The following MYT1 variants were observed in gnomAD, a reference collection of about 807,000 sequenced individuals.
The protein encoded by MYT1 is myelin transcription factor I.
In MYT1, 23 loss-of-function variants were observed where a neutral mutation model predicts 123.0. The observed-to-expected ratio is 0.19, with a 90% CI of 0.13 to 0.26. The LOEUF (loss-of-function observed/expected upper bound fraction) is 0.26, where lower values mean the gene tolerates loss of function less well. Ranked by LOEUF, MYT1 falls within the 10% of genes least tolerant of loss-of-function variation. MYT1 has a pLI of 1.00. For missense variants in MYT1, 1,125 were observed against 1,472.5 expected (o/e 0.76, Z 3.86); for synonymous variants, 518 against 575.3 (o/e 0.90, Z 1.43).
At chr20:64,209,976 CAA>C (rs1057207631) in intron 7 of MYT1, among the ~76,000 whole-genome samples, 10 of 152,290 alleles carry the variant, frequency 6.6e-5, no homozygotes, top group African/African-American at 2.2e-4. Flanking sequence ...GCCATGGGCA[CAA>C]AGAGACACAG....
At chr20:64,211,621 G>A (rs1983668590) in intron 8 of MYT1, among the ~76,000 whole-genome samples, 1 of 152,272 alleles carries the variant, frequency 6.6e-6, no homozygotes, top group Non-Finnish European at 1.5e-5. Context: ...GAGGGGGACA[G>A]GCTAGTGCCA....
chr20:64,217,848 G>C (rs977250735), intron 11 of MYT1, among the ~76,000 whole-genome samples: 31 of 152,338 alleles, frequency 2.0e-4, no homozygotes, highest in African/African-American at 7.0e-4. Context: ...CTGGGTAATT[G>C]TACTGACAAA....
rs543100783 is a variant in MYT1, at chr20:64,214,682, C to T, written c.1631+1035C>T. On this transcript the variant is annotated intron_variant, in intron 10 of 22. Transcript: ENST00000328439. ...CTCCCGTGAGGAACTAGAACTCACA[C>T]ACAGCTCCTCCTCCCCAGCTCTCAG... is the stretch of plus-strand genomic sequence containing the variant. Among the ~76,000 whole-genome samples, 83 of 152,342 alleles carry T rather than the reference C, an allele frequency of 5.4e-4. 1 individual carries two copies. The South Asian group carries it at 0.011, about 20-fold the overall frequency.
chr20:64,219,158 ATTC>A (rs773463890), intron 12 of MYT1, 123 bp downstream of exon 12: 229 of 1,320,066 alleles, frequency 1.7e-4, no homozygotes, highest in Non-Finnish European at 2.3e-4. Context: ...GGCAATTCTC[ATTC>A]TTAACTTTTT....
chr20:64,227,565 C>A, intron 17 of MYT1, 88 bp downstream of exon 17: 3 of 1,211,088 alleles, frequency 2.5e-6, no homozygotes, highest in Non-Finnish European at 2.4e-6. Context: ...ACTAATGTTG[C>A]TGACAGCTAG....
rs1292840144 is a variant in MYT1 at position 64,191,527 on chromosome 20, C to T, written c.-1+1367C>T. The T allele has an allele frequency of 3.3e-5, 5 of 152,242 alleles. No homozygotes were observed. Among genetic ancestry groups the T allele is most frequent in the Non-Finnish European group, 7.3e-5 (5 of 68,058 alleles). The allele number at this position is 152,242 out of a possible 1,614,324, so 9.4% of individuals were successfully genotyped here. Reference sequence around the variant, plus strand: ...GATCCAGCTGTGACTCAGGGCATGGCTCAAGGACAGTGATGGCGTAGGGTG... The same window carrying T: ...GATCCAGCTGTGACTCAGGGCATGGTTCAAGGACAGTGATGGCGTAGGGTG... On this transcript the variant is annotated intron_variant, in intron 2 of 22. Coordinates refer to ENST00000328439, the MANE Select transcript of MYT1 (RefSeq NM_004535.3). The surrounding 1 kb of genome is among the most constrained non-coding windows in gnomAD (Gnocchi z 4.1).
chr20:64,239,076 T>C (rs1165227146), intron 21 of MYT1, among the ~76,000 whole-genome samples: 2 of 152,232 alleles, frequency 1.3e-5, no homozygotes, highest in Non-Finnish European at 2.9e-5. Context: ...GTTTAGCCTC[T>C]GCCCCCGTGG....
rs1329307895 is a variant in MYT1, at chr20:64,196,395, G to T, written c.1-2467G>T. On this transcript the variant is annotated intron_variant, in intron 2 of 22. Coordinates refer to ENST00000328439, the MANE Select transcript of MYT1 (RefSeq NM_004535.3). The surrounding 1 kb of genome is among the most constrained non-coding windows in gnomAD (Gnocchi z 4.3). ...GATCTTGCGGCAGGAGGAGAGCAGA[G>T]AACTCACCTCTGAAGTGCTTTGACT... is the stretch of plus-strand genomic sequence containing the variant. Among the ~76,000 whole-genome samples the T allele has an allele frequency of 6.6e-6, 1 of 152,236 alleles. No individual in the cohort carries two copies. Among genetic ancestry groups the T allele is most frequent in the Non-Finnish European group, 1.5e-5 (1 of 68,050 alleles).
chr20:64,188,746 G>A (rs1982884261), intron 1 of MYT1, among the ~76,000 whole-genome samples: 1 of 152,210 alleles, frequency 6.6e-6, no homozygotes, highest in African/African-American at 2.4e-5. Flanking sequence ...TGGCAGATGG[G>A]AACCCAGGAG....
chr20:64,227,922 G>A lies in MYT1; in HGVS notation c.2626G>A (p.Val876Ile). The A allele has an allele frequency of 6.2e-7, 1 of 1,613,998 alleles. No homozygotes were observed. The highest frequency in any genetic ancestry group is 1.1e-5 in the South Asian group (1 of 91,074). The change falls in exon 18 of 23, where the codon GTC becomes ATC. Residue 876 changes from valine to isoleucine, a missense_variant. Physicochemically the swap from Val to Ile is conservative, Grantham distance 29. Transcript: ENST00000328439. ...CTGCCCTCGTGCAAAGAAAAGTGGA[G>A]TCAAGGTGGCACCCACCAAGGACGA... Reference protein sequence around the residue: ...SGCPRAKKSGVKVAPTKDDKE... With the variant: ...SGCPRAKKSGIKVAPTKDDKE...
At chr20:64,222,400 G>A (rs1488691966) in intron 14 of MYT1, among the ~76,000 whole-genome samples, 1 of 152,244 alleles carries the variant, frequency 6.6e-6, no homozygotes, top group African/African-American at 2.4e-5. Context: ...CTCTCCCTGA[G>A]GCCGCAGCTG....
Position 64,207,710 on chromosome 20 carries a change from G to T in MYT1, c.514G>T (p.Gly172Cys). ...CATCGCAACTTCTCTCCTGAACTTG[G>T]GTCAAATTGCTGAAGAGACCCTGGT... ...GIIATSLLNL[G>C]QIAEETLVEE... The change falls in exon 7 of 23, where the codon GGT (glycine) becomes TGT (cysteine). Residue 172 changes from glycine (G) to cysteine (C), a missense_variant. This residue lies in a region of MYT1 where 406 missense variants were observed against 432.2 expected (regional missense o/e 0.94). Transcript: ENST00000328439. 1 of 1,614,056 alleles carries T rather than the reference G, an allele frequency of 6.2e-7. No individual in the cohort carries two copies. Among genetic ancestry groups the T allele is most frequent in the Non-Finnish European group, 8.5e-7 (1 of 1,180,028 alleles).
chr20:64,205,871 CG>C, intron 6 of MYT1, 71 bp downstream of exon 6: 1 of 1,571,324 alleles, frequency 6.4e-7, no homozygotes, highest in Non-Finnish European at 8.6e-7. Flanking sequence ...AGCCTGTGAG[CG>C]GGGAGGGGCT....
chr20:64,214,319 G>A (rs1482490082), intron 10 of MYT1, among the ~76,000 whole-genome samples: 1 of 152,140 alleles, frequency 6.6e-6, no homozygotes, highest in Non-Finnish European at 1.5e-5. Flanking sequence ...GTGGGAGCGT[G>A]TGTGTGCATG....
At chr20:64,179,782 C>T (rs539920466) in intron 1 of MYT1, among the ~76,000 whole-genome samples, 39 of 152,082 alleles carry the variant, frequency 2.6e-4, no homozygotes, top group Non-Finnish European at 3.8e-4. Flanking sequence ...GCTGGGAAGA[C>T]GTATGTGTGT....
rs1215018598 is a variant in MYT1, at chr20:64,232,349, C to A, written c.2861C>A (p.Ser954Tyr). The change falls in exon 19 of 23, where the codon TCT becomes TAT. Residue 954 changes from serine to tyrosine, a missense_variant. By Grantham distance (144) the Ser-to-Tyr change is moderately radical. Transcript: ENST00000328439. This position sits in a 1 kb window ranked among gnomAD's most constrained non-coding sequence, Gnocchi z 6.9. ...PTCPTPGCDG[S>Y]GHANGSFLTH... ...TGCCCCACCCCGGGCTGTGACGGCT[C>A]TGGCCACGCCAATGGGAGTTTCCTC... 2 of 1,613,030 alleles carry A rather than the reference C, an allele frequency of 1.2e-6. No homozygotes were observed. The highest frequency in any genetic ancestry group is 1.7e-6 in the Non-Finnish European group (2 of 1,180,002).
chr20:64,196,576 A>G lies in MYT1; in HGVS notation c.1-2286A>G, dbSNP rs554327604. On this transcript the variant is annotated intron_variant, in intron 2 of 22. Transcript: ENST00000328439. This position sits in a 1 kb window ranked among gnomAD's most constrained non-coding sequence, Gnocchi z 4.3. Reference sequence around the variant, plus strand: ...ATTCTCGTATTAAAGAGCCTGGTTTATTTTTTCTTCGGTAGTTCAGTTTTT... The same window carrying G: ...ATTCTCGTATTAAAGAGCCTGGTTTGTTTTTTCTTCGGTAGTTCAGTTTTT... Among the ~76,000 whole-genome samples, 1 of 152,172 alleles carries G rather than the reference A, an allele frequency of 6.6e-6. No homozygotes were observed. The highest frequency in any genetic ancestry group is 2.4e-5 in the African/African-American group (1 of 41,450).
In MYT1 at chr20:64,164,685, G is replaced by A. The variant is rs1180404466; in HGVS notation, c.-153G>A. 1 of 151,996 alleles carries A rather than the reference G, an allele frequency of 6.6e-6. No homozygotes were observed. Among genetic ancestry groups the A allele is most frequent in the Non-Finnish European group, 1.5e-5 (1 of 68,006 alleles). The allele number at this position is 151,996 out of a possible 1,614,324, so 9.4% of individuals were successfully genotyped here. A position where few individuals can be genotyped will look rare whatever the true frequency, so the allele number is the denominator to read the frequency against. On this transcript the variant is annotated 5_prime_UTR_variant, in exon 1 of 23. An upstream start codon of the reference 5' UTR is lost. Coordinates refer to ENST00000328439, the MANE Select transcript of MYT1 (RefSeq NM_004535.3). Reference sequence around the variant, plus strand: ...CCTGCACCCCCCATGTAAATTTCATGATTGCTTTCCGTGATGTCATTTTGA... The same window carrying A: ...CCTGCACCCCCCATGTAAATTTCATAATTGCTTTCCGTGATGTCATTTTGA...
At chr20:64,234,778 T>TGGCCGTGGTATGTGACCCC (rs1984451208) in intron 19 of MYT1, among the ~76,000 whole-genome samples, 1 of 75,708 alleles carries the variant, frequency 1.3e-5, no homozygotes, top group Non-Finnish European at 2.4e-5. Context: ...TATGTGACCC[T>TGGCCGTGGTATGTGACCCC]GGGATGGTCA....
Sources: allele counts gnomAD v4.1 joint callset (sites outside exome capture counted in the v4.1 genomes callset), GRCh38; gene constraint gnomAD v4.1.1; regional missense constraint gnomAD v4.1.1; non-coding constraint Gnocchi (gnomAD v3.1); transcripts MANE v1.5; gene names NCBI Gene and HGNC (gene_info 2026-07-23, HGNC 2026-07-21).